Variants in PCDH9 observed in about 807,000 individuals in gnomAD.
PCDH9 encodes protocadherin 9.
Under a neutral mutation model 70.6 loss-of-function variants are expected in PCDH9, and 24 were observed. The observed-to-expected ratio is 0.34, with a 90% CI of 0.25 to 0.48. The LOEUF (loss-of-function observed/expected upper bound fraction) is 0.48. PCDH9 is among the 20% of genes least tolerant of loss of function. The pLI is 0.99. For synonymous variants in PCDH9, 562 were observed against 558.5 expected (o/e 1.01, Z -0.09); for missense variants, 1,281 against 1,503.6 (o/e 0.85, Z 2.45).
At chr13:66,942,152 G>A (rs2083016081) in intron 2 of PCDH9, among the ~76,000 whole-genome samples, 1 of 151,796 alleles carries the variant, frequency 6.6e-6, no homozygotes, top group Admixed American at 6.6e-5. Flanking sequence ...AAAATTTGTG[G>A]AATGCCACAA....
chr13:66,744,132 A>T (rs1429133414), intron 3 of PCDH9, among the ~76,000 whole-genome samples: 2 of 152,196 alleles, frequency 1.3e-5, no homozygotes, highest in African/African-American at 4.8e-5. Flanking sequence ...GCATCTGGGT[A>T]ATGGAATTCT....
chr13:66,695,879 T>C (rs1205696981), intron 3 of PCDH9, among the ~76,000 whole-genome samples: 1 of 152,180 alleles, frequency 6.6e-6, no homozygotes, highest in African/African-American at 2.4e-5. Flanking sequence ...TAATATTTTT[T>C]AAGTGGTTAA....
Position 66,857,196 on chromosome 13 carries a change from C to T in PCDH9, c.3138+46308G>A, listed in dbSNP as rs141251432. On this transcript the variant is annotated intron_variant, in intron 3 of 4. Transcript: ENST00000377865. ...AACTTCTAAGGTCCCTGAATGCTAACAATATTTGATAGCAAAGTCTTTGAA... is the reference window on the plus strand; with the variant it reads ...AACTTCTAAGGTCCCTGAATGCTAATAATATTTGATAGCAAAGTCTTTGAA... Among the ~76,000 whole-genome samples the T allele has an allele frequency of 8.9e-3, 1,347 of 152,174 alleles. 21 individuals are homozygous for T. Among genetic ancestry groups the T allele is most frequent in the African/African-American group, 0.031 (1,283 of 41,530 alleles).
intron 3 of PCDH9, among the ~76,000 whole-genome samples, chr13:66,833,255 T>C (rs1339356806): frequency 6.6e-6 from 1 of 152,222 alleles, no homozygotes; most frequent in African/African-American, 2.4e-5. Context: ...CCTTTCTTTC[T>C]TCTAACAAAA....
intron 4 of PCDH9, among the ~76,000 whole-genome samples, chr13:66,428,475 C>T (rs1957712385): frequency 6.6e-6 from 1 of 151,626 alleles, no homozygotes; most frequent in Non-Finnish European, 1.5e-5. Flanking sequence ...TTAGAATCTC[C>T]TCAAGACAGA....
intron 4 of PCDH9, among the ~76,000 whole-genome samples, chr13:66,326,520 G>A (rs1012056932): frequency 8.6e-5 from 13 of 151,918 alleles, no homozygotes; most frequent in African/African-American, 3.1e-4. Flanking sequence ...CCGGGTTTAC[G>A]CCATTCTCCT....
intron 3 of PCDH9, chr13:66,880,112 A>C (rs2081896617): frequency 6.6e-6 from 1 of 152,240 alleles, no homozygotes; most frequent in Non-Finnish European, 1.5e-5. Flanking sequence ...AGCTGCAGTG[A>C]ATAGAACAAA....
intron 3 of PCDH9, among the ~76,000 whole-genome samples, chr13:66,766,544 A>C (rs2079720815): frequency 2.0e-5 from 3 of 151,488 alleles, no homozygotes; most frequent in Non-Finnish European, 2.9e-5. Flanking sequence ...GCAGTAGTCT[A>C]CAAATCTGAG....
chr13:66,399,608 T>C (rs752775502), intron 4 of PCDH9, among the ~76,000 whole-genome samples: 2 of 152,070 alleles, frequency 1.3e-5, no homozygotes, highest in Non-Finnish European at 2.9e-5. Flanking sequence ...TATTTTATTC[T>C]AAGGCATATT....
chr13:66,562,677 C>T (rs1465526913), intron 4 of PCDH9, among the ~76,000 whole-genome samples: 1 of 152,064 alleles, frequency 6.6e-6, no homozygotes, highest in East Asian at 1.9e-4. Context: ...TCCCAGGATA[C>T]ATGAGGATTA....
At chr13:66,826,547 T>C (rs1008673078) in intron 3 of PCDH9, among the ~76,000 whole-genome samples, 2 of 152,206 alleles carry the variant, frequency 1.3e-5, no homozygotes, top group Non-Finnish European at 2.9e-5. Context: ...TTACTCAATA[T>C]ATATTTATGA....
intron 3 of PCDH9, among the ~76,000 whole-genome samples, chr13:66,831,980 A>G (rs2080934800): frequency 1.3e-5 from 2 of 152,138 alleles, no homozygotes; most frequent in South Asian, 4.1e-4. Context: ...AATGATTTCA[A>G]ATACATTCTT....
At chr13:66,537,145 A>T (rs1460801643) in intron 4 of PCDH9, among the ~76,000 whole-genome samples, 1 of 152,112 alleles carries the variant, frequency 6.6e-6, no homozygotes, top group South Asian at 2.1e-4. Flanking sequence ...AAGCATGCTC[A>T]GGTATTTCTA....
At chr13:66,447,147 A>T (rs1405927152) in intron 4 of PCDH9, among the ~76,000 whole-genome samples, 6 of 152,052 alleles carry the variant, frequency 3.9e-5, no homozygotes, top group Admixed American at 3.9e-4. Flanking sequence ...ATATTTAGTA[A>T]ATTTTATGAA....
intron 4 of PCDH9, among the ~76,000 whole-genome samples, chr13:66,626,427 A>G (rs989904952): frequency 6.6e-6 from 1 of 152,166 alleles, no homozygotes; most frequent in Non-Finnish European, 1.5e-5. Flanking sequence ...CTATGGCATG[A>G]GGTATCAGCA....
chr13:67,033,864 TAAAC>T (rs1246998881), intron 2 of PCDH9, among the ~76,000 whole-genome samples: 1 of 152,226 alleles, frequency 6.6e-6, no homozygotes, highest in Non-Finnish European at 1.5e-5. Flanking sequence ...TTAGCAATGG[TAAAC>T]AAACAAACAT....
intron 4 of PCDH9, among the ~76,000 whole-genome samples, chr13:66,611,090 C>T (rs899732963): frequency 2.6e-5 from 4 of 151,882 alleles, no homozygotes; most frequent in African/African-American, 9.7e-5. Context: ...GATAAAATAC[C>T]CATTAATGTC....
chr13:67,007,162 T>C (rs1270074679), intron 2 of PCDH9, among the ~76,000 whole-genome samples: 3 of 152,070 alleles, frequency 2.0e-5, no homozygotes, highest in Admixed American at 1.3e-4. Flanking sequence ...AGAGCTATTC[T>C]CCAAAACTTC....
chr13:66,934,759 C>T (rs1277103137), intron 2 of PCDH9, among the ~76,000 whole-genome samples: 1 of 121,690 alleles, frequency 8.2e-6, no homozygotes, highest in Non-Finnish European at 1.6e-5. Flanking sequence ...CTCGCTCTGT[C>T]GCCCAGGCTG....
Sources: gnomAD v4.1 joint callset for allele counts (sites outside exome capture counted in the v4.1 genomes callset) on GRCh38, gnomAD v4.1.1 for gene constraint, MANE v1.5 for transcripts, NCBI Gene and HGNC (gene_info 2026-07-23, HGNC 2026-07-21) for gene names.